Variants in NRXN1 observed in about 807,000 individuals in gnomAD.
NRXN1 encodes the protein neurexin-1.
In NRXN1, 39 loss-of-function variants were observed where a neutral mutation model predicts 150.9. The observed-to-expected ratio is 0.26, with a 90% CI of 0.20 to 0.34. The LOEUF (loss-of-function observed/expected upper bound fraction) is 0.34, where lower values mean the gene tolerates loss of function less well. NRXN1 is among the 10% of genes least tolerant of loss of function. The pLI, the probability that NRXN1 is intolerant of heterozygous loss-of-function variation, is 1.00. For synonymous variants in NRXN1, 924 were observed against 757.0 expected (o/e 1.22, Z -3.62); for missense variants, 1,815 against 1,949.9 (o/e 0.93, Z 1.30).
chr2:50,193,505 T>C (rs2061571055), intron 18 of NRXN1, among the ~76,000 whole-genome samples: 1 of 152,200 alleles, frequency 6.6e-6, no homozygotes, highest in Non-Finnish European at 1.5e-5. Context: ...TAGTGATTGA[T>C]ATTATGTATA....
At position 49,933,139 on chromosome 2, in the gene NRXN1, C is replaced by T. The variant is rs11897655; in HGVS notation, c.4216+10565G>A. Among the ~76,000 whole-genome samples the T allele has an allele frequency of 5.0e-3, 759 of 152,140 alleles. 3 individuals are homozygous for T. Among genetic ancestry groups the T allele is most frequent in the African/African-American group, 0.018 (734 of 41,480 alleles). ...TCTTGCTCTGTCGCCCAGGCTGGAG[C>T]ACAGTGGCGCGGTCTCAGCTCACTG... On this transcript the variant is annotated intron_variant, in intron 22 of 22. Transcript: ENST00000401669.
intron 5 of NRXN1, among the ~76,000 whole-genome samples, chr2:50,694,780 C>G (rs17560118): frequency 0.14 from 21,926 of 152,122 alleles, 1,954 homozygotes; most frequent in Non-Finnish European, 0.2. Flanking sequence ...CATATTTAAT[C>G]CAGAAAATGC....
intron 5 of NRXN1, among the ~76,000 whole-genome samples, chr2:50,920,319 G>C (rs906969586): frequency 2.6e-5 from 4 of 151,598 alleles, no homozygotes; most frequent in Admixed American, 1.3e-4. Flanking sequence ...ACTAAATAAA[G>C]TTAAGTGACA....
intron 21 of NRXN1, among the ~76,000 whole-genome samples, chr2:49,995,287 TTC>T (rs1225601680): frequency 4.0e-5 from 6 of 151,458 alleles, no homozygotes; most frequent in African/African-American, 1.4e-4. Context: ...ATAAAAAACC[TTC>T]TTTTACTTTT....
chr2:50,926,846 A>G (rs1452208357), intron 2 of NRXN1, among the ~76,000 whole-genome samples: 1 of 151,904 alleles, frequency 6.6e-6, no homozygotes, highest in Non-Finnish European at 1.5e-5. Flanking sequence ...ATATGTATAA[A>G]CATATATATC....
At chr2:50,586,035 A>C (rs1432755040) in intron 8 of NRXN1, among the ~76,000 whole-genome samples, 2 of 152,224 alleles carry the variant, frequency 1.3e-5, no homozygotes, top group African/African-American at 2.4e-5. Context: ...ATTTGAAGCA[A>C]GAAGCCAAAG....
At chr2:50,249,784 C>T (rs184296502) in intron 17 of NRXN1, among the ~76,000 whole-genome samples, 76 of 152,006 alleles carry the variant, frequency 5.0e-4, no homozygotes, top group South Asian at 8.3e-4. Context: ...ATCATAGATA[C>T]GCGCCACTAT....
At chr2:51,008,178 T>A (rs1667317136) in intron 2 of NRXN1, among the ~76,000 whole-genome samples, 1 of 151,798 alleles carries the variant, frequency 6.6e-6, no homozygotes, top group South Asian at 2.1e-4. Context: ...TAAAGAAAAA[T>A]ACAAATGTCA....
chr2:50,850,427 A>C (rs1674351866), intron 5 of NRXN1, among the ~76,000 whole-genome samples: 1 of 152,140 alleles, frequency 6.6e-6, no homozygotes, highest in Non-Finnish European at 1.5e-5. Flanking sequence ...CAGATGAAAT[A>C]TACGGGATAA....
At position 50,569,444 on chromosome 2, in the gene NRXN1, A is replaced by G. The variant is rs1279204308; in HGVS notation, c.1321-16419T>C. ...TATGTACTCAGAAAAATTAAAAATA[A>G]AAGAAAATAATGACCCCAAGAGTAG... On this transcript the variant is annotated intron_variant, in intron 8 of 22. Coordinates refer to ENST00000401669, the MANE Select transcript of NRXN1 (RefSeq NM_001330078.2). Among the ~76,000 whole-genome samples the G allele has an allele frequency of 2.6e-5, 4 of 152,126 alleles. No homozygotes were observed. The East Asian group carries it at 7.7e-4, about 29-fold the overall frequency.
intron 21 of NRXN1, among the ~76,000 whole-genome samples, chr2:49,979,342 T>C (rs561117008): frequency 1.3e-5 from 2 of 152,158 alleles, no homozygotes; most frequent in Non-Finnish European, 2.9e-5. Flanking sequence ...TGATGTTCAG[T>C]AAGAGATAAA....
intron 17 of NRXN1, among the ~76,000 whole-genome samples, chr2:50,247,584 A>C (rs758200200): frequency 1.3e-5 from 2 of 152,126 alleles, no homozygotes; most frequent in Non-Finnish European, 2.9e-5. Flanking sequence ...GTCTCAATCT[A>C]ATCATAAGAA....
intron 17 of NRXN1, among the ~76,000 whole-genome samples, chr2:50,262,792 G>A (rs116751293): frequency 0.01 from 1,587 of 152,050 alleles, 29 homozygotes; most frequent in African/African-American, 0.036. Flanking sequence ...ACCAGGCATC[G>A]CCTCAATGGT....
At chr2:50,376,029 AT>A (rs1363089630) in intron 17 of NRXN1, among the ~76,000 whole-genome samples, 1 of 127,184 alleles carries the variant, frequency 7.9e-6, no homozygotes, top group Non-Finnish European at 1.6e-5. Context: ...ACTCCTGCAC[AT>A]AAATACATAT....
chr2:49,945,833 T>C (rs906554789), intron 21 of NRXN1, among the ~76,000 whole-genome samples: 10 of 152,200 alleles, frequency 6.6e-5, no homozygotes, highest in Non-Finnish European at 1.3e-4. Context: ...TTGTGAATAG[T>C]GTGGCAAGAA....
intron 19 of NRXN1, among the ~76,000 whole-genome samples, chr2:50,078,638 C>A (rs539330618): frequency 2.6e-5 from 4 of 152,088 alleles, no homozygotes; most frequent in African/African-American, 9.6e-5. Flanking sequence ...TTTTGTAATT[C>A]GTGTAGTTAA....
chr2:49,994,129 A>G (rs1206892227), intron 21 of NRXN1, among the ~76,000 whole-genome samples: 1 of 152,168 alleles, frequency 6.6e-6, no homozygotes, highest in African/African-American at 2.4e-5. Context: ...AGCAGTAATG[A>G]AGCATAGTAC....
At chr2:50,762,930 C>G (rs1701974518) in intron 5 of NRXN1, among the ~76,000 whole-genome samples, 1 of 151,980 alleles carries the variant, frequency 6.6e-6, no homozygotes, top group Admixed American at 6.6e-5. Flanking sequence ...GTGCAAGCTT[C>G]TTGCTTTAGA....
intron 5 of NRXN1, among the ~76,000 whole-genome samples, chr2:50,706,790 A>T (rs935631759): frequency 9.9e-5 from 15 of 151,974 alleles, no homozygotes; most frequent in African/African-American, 3.6e-4. Flanking sequence ...AATATAAGTC[A>T]TATGAAAAGA....
Sources: allele counts gnomAD v4.1 joint callset (sites outside exome capture counted in the v4.1 genomes callset), GRCh38; gene constraint gnomAD v4.1.1; transcripts MANE v1.5; gene names NCBI Gene and HGNC (gene_info 2026-07-23, HGNC 2026-07-21).